Variants in MAPK3 observed in about 807,000 individuals in gnomAD.
MAPK3 encodes the protein MAPK 1.
In MAPK3, 30 loss-of-function variants were observed where a neutral mutation model predicts 41.8. The ratio of observed to expected loss-of-function variants is 0.72; its 90% CI spans 0.54 to 0.97. The LOEUF (loss-of-function observed/expected upper bound fraction) is 0.97. MAPK3 is among the 50% of genes least tolerant of loss of function. MAPK3 has a pLI of 0.00. For missense variants in MAPK3, 413 were observed against 509.9 expected, an observed-to-expected ratio of 0.81 and a Z score of 1.83; for synonymous variants, 222 against 213.4, an observed-to-expected ratio of 1.04 and a Z score of -0.35.
intron 1 of MAPK3, chr16:30,122,428 G>A (rs1220845727): frequency 3.8e-6 from 1 of 261,288 alleles, no homozygotes; most frequent in East Asian, 9.9e-5. Context: ...GGCAGGGGAG[G>A]GTCCCAGGGT....
chr16:30,115,274 C>T (rs1044814965), intron 8 of MAPK3, among the ~76,000 whole-genome samples: 78 of 152,230 alleles, frequency 5.1e-4, no homozygotes, highest in Non-Finnish European at 4.9e-4. Context: ...ACTGAGGCGC[C>T]GAGAGGTGAG....
At chr16:30,122,725 A>C in intron 1 of MAPK3, 1 of 276,888 alleles carries the variant, frequency 3.6e-6, no homozygotes. Flanking sequence ...CCCCGAGAGT[A>C]CTCATCCTCT....
chr16:30,120,663 T>C (rs1216106461), intron 2 of MAPK3, among the ~76,000 whole-genome samples: 1 of 150,144 alleles, frequency 6.7e-6, no homozygotes, highest in African/African-American at 2.4e-5. Flanking sequence ...TTAGGTTTTC[T>C]GAGCCTTAGC....
chr16:30,120,111 G>A (rs565732896), intron 2 of MAPK3, among the ~76,000 whole-genome samples: 8 of 152,314 alleles, frequency 5.3e-5, no homozygotes, highest in East Asian at 1.9e-4. Context: ...GGAGGTTGCC[G>A]TGAGCTGAGA....
intron 1 of MAPK3, 185 bp from the exon 2 acceptor site, chr16:30,122,191 C>G (rs1763402636): frequency 1.6e-6 from 1 of 628,460 alleles, no homozygotes; most frequent in African/African-American, 1.8e-5. Context: ...TGGGGACCAG[C>G]CAGGCGGCCC....
chr16:30,118,192 G>A (rs1465398087), intron 3 of MAPK3, 29 bp from the exon 4 acceptor site: 1 of 1,604,052 alleles, frequency 6.2e-7, no homozygotes, highest in Admixed American at 1.7e-5. Context: ...GCTAAGCTCG[G>A]CGCTCAAGGC....
intron 8 of MAPK3, 67 bp downstream of exon 8, chr16:30,116,565 TATAG>T: frequency 6.9e-7 from 1 of 1,450,638 alleles, no homozygotes; most frequent in Non-Finnish European, 9.4e-7. Context: ...TACAGATAGA[TATAG>T]ATATAGATAT....
At position 30,123,173 on chromosome 16, in the gene MAPK3, C is replaced by A. The variant is rs1461921044; in HGVS notation, c.37G>T (p.Glu13Ter). The A allele has an allele frequency of 9.8e-7, 1 of 1,021,924 alleles. No homozygotes were observed. The highest frequency in any genetic ancestry group is 1.4e-6 in the Non-Finnish European group (1 of 734,526). The allele number at this position is 1,021,924 out of a possible 1,614,324, so 63.3% of individuals were successfully genotyped here. A position where few individuals can be genotyped will look rare whatever the true frequency, so the allele number is the denominator to read the frequency against. ...CCGACCCCCTCGGTTCTACGGGGCT[C>A]CCCGCCCCCGCCCCCCTGAGCCGCC... ...AAAAQGGGGGEPRRTEGVGPG... is the reference protein window; with the variant it reads ...AAAAQGGGGG The change falls in exon 1 of 9, where the codon GAG becomes TAG. Residue 13 changes from glutamate (E) to a stop codon, truncating the protein, a stop_gained. Coordinates refer to ENST00000263025, the MANE Select transcript of MAPK3 (RefSeq NM_002746.3). LOFTEE classifies it high-confidence loss of function.
rs767677001 is a variant in MAPK3, at chr16:30,123,176, C to A, written c.34G>T (p.Gly12Trp). ...ACCCCCTCGGTTCTACGGGGCTCCC[C>A]GCCCCCGCCCCCCTGAGCCGCCGCC... The part of the protein sequence containing the change: ...AAAAAQGGGG[G>W]EPRRTEGVGP... Residue 12 changes from glycine to tryptophan, a missense_variant, in exon 1 of 9, where the codon GGG becomes TGG. Coordinates refer to ENST00000263025, the MANE Select transcript of MAPK3 (RefSeq NM_002746.3). 3.0e-6 allele frequency: 4 copies of A among 1,342,256 alleles called. No homozygotes were observed. The highest frequency in any genetic ancestry group is 3.0e-5 in the East Asian group (1 of 33,320). The allele number at this position is 1,342,256 out of a possible 1,614,324, so 83.1% of individuals were successfully genotyped here. A position where few individuals can be genotyped will look rare whatever the true frequency, so the allele number is the denominator to read the frequency against.
chr16:30,117,593 C>A (rs2072970212), intron 5 of MAPK3, 77 bp downstream of exon 5: 2 of 1,133,640 alleles, frequency 1.8e-6, no homozygotes, highest in Admixed American at 3.4e-5. Flanking sequence ...GTGGTGGTAT[C>A]CCTGACTTGG....
At chr16:30,114,878 A>T (rs1425168109) in intron 8 of MAPK3, among the ~76,000 whole-genome samples, 170 bp from the exon 9 acceptor site, 3 of 152,180 alleles carry the variant, frequency 2.0e-5, no homozygotes, top group Non-Finnish European at 4.4e-5. Flanking sequence ...GTACTGCTGT[A>T]AGATTAAAGG....
At chr16:30,117,981 C>G (rs2072975252) in intron 4 of MAPK3, 66 bp downstream of exon 4, 4 of 1,438,414 alleles carry the variant, frequency 2.8e-6, no homozygotes, top group Non-Finnish European at 3.9e-6. Context: ...GTGTCTGGCT[C>G]AGAGGTAGCT....
chr16:30,123,159 G>T lies in MAPK3; in HGVS notation c.51C>A (p.Thr17=), dbSNP rs1194931168. The change falls in exon 1 of 9, where the codon ACC becomes ACA. Residue 17 remains threonine, a synonymous_variant. Coordinates refer to ENST00000263025, the MANE Select transcript of MAPK3 (RefSeq NM_002746.3). The part of the protein sequence containing the change: ...QGGGGGEPRR[T]EGVGPGVPGE... ...CCGGGACCCCCGGGCCGACCCCCTC[G>T]GTTCTACGGGGCTCCCCGCCCCCGC... 2.0e-6 allele frequency: 3 copies of T among 1,467,572 alleles called. No homozygotes were observed. In the African/African-American group the frequency reaches 4.4e-5, roughly 22 times the overall value. The allele number at this position is 1,467,572 out of a possible 1,614,324, so 90.9% of individuals were successfully genotyped here. A position where few individuals can be genotyped will look rare whatever the true frequency, so the allele number is the denominator to read the frequency against.
chr16:30,123,146 GGCCGACCCCCTCGGTTCTACGGGGC>G lies in MAPK3; in HGVS notation c.39_63del (p.Glu13AspfsTer11). On this transcript the variant is annotated frameshift_variant, in exon 1 of 9. Transcript: ENST00000263025. LOFTEE classifies it high-confidence loss of function. The stretch of plus-strand genomic sequence containing the variant: ...ATCTCCACCTCCCCCGGGACCCCCG[GGCCGACCCCCTCGGTTCTACGGGGC>G]TCCCCGCCCCCGCCCCCCTGAGCCG... 6.5e-7 allele frequency: 1 copy of G among 1,531,832 alleles called. No individual in the cohort carries two copies. The highest frequency in any genetic ancestry group is 1.2e-5 in the South Asian group (1 of 82,634). 94.9% of individuals were successfully genotyped at this position (1,531,832 alleles called of 1,614,324 possible). A position where few individuals can be genotyped will look rare whatever the true frequency, so the allele number is the denominator to read the frequency against.
At chr16:30,121,727 G>A (rs2073016696) in intron 2 of MAPK3, 97 bp downstream of exon 2, 16 of 1,263,596 alleles carry the variant, frequency 1.3e-5, no homozygotes, top group Non-Finnish European at 1.5e-5. Flanking sequence ...TTGTTTTGGA[G>A]GGTGGTGGGT....
chr16:30,119,494 G>A (rs1211596017), intron 2 of MAPK3, among the ~76,000 whole-genome samples: 1 of 152,202 alleles, frequency 6.6e-6, no homozygotes, highest in Non-Finnish European at 1.5e-5. Context: ...GATGGCGCAT[G>A]TAAAGCTGTC....
chr16:30,120,029 C>T (rs1596881699), intron 2 of MAPK3, among the ~76,000 whole-genome samples: 1 of 152,048 alleles, frequency 6.6e-6, no homozygotes, highest in Non-Finnish European at 1.5e-5. Flanking sequence ...ATTAGCCGGG[C>T]GTGGTGGCAG....
intron 5 of MAPK3, 135 bp from the exon 6 acceptor site, chr16:30,117,420 G>A (rs2072967980): frequency 2.1e-6 from 2 of 934,832 alleles, no homozygotes. Context: ...TCATTAGCAT[G>A]GTGGTGCAGA....
In MAPK3 at chr16:30,118,038, CCCT is replaced by C. The variant is rs1181967554; in HGVS notation, c.660+6_660+8del. On this transcript the variant is annotated splice_donor_region_variant and intron_variant, in intron 4 of 8. Coordinates refer to ENST00000263025, the MANE Select transcript of MAPK3 (RefSeq NM_002746.3). ...TCCGTTCCTTTCAGGAGTGGGCAGC[CCCT>C]CCTACCTTGGAGTTCAGCATGATCT... is the stretch of plus-strand genomic sequence containing the variant. 6.2e-7 allele frequency: 1 copy of C among 1,611,970 alleles called. No individual in the cohort carries two copies. Among genetic ancestry groups the C allele is most frequent in the African/African-American group, 1.3e-5 (1 of 74,868 alleles).
Sources: gnomAD v4.1 joint callset for allele counts (sites outside exome capture counted in the v4.1 genomes callset) on GRCh38, gnomAD v4.1.1 for gene constraint, MANE v1.5 for transcripts, NCBI Gene and HGNC (gene_info 2026-07-23, HGNC 2026-07-21) for gene names.